The following PCDH15 variants were observed in gnomAD, a reference collection of about 807,000 sequenced individuals.
The protein encoded by PCDH15 is protocadherin-15.
PCDH15 carries 129 observed loss-of-function variants against 178.5 expected under a neutral mutation model. That is an observed-to-expected ratio of 0.72 (90% CI 0.63 to 0.84). The LOEUF (loss-of-function observed/expected upper bound fraction) is 0.84. PCDH15 is among the 40% of genes least tolerant of loss of function. PCDH15 has a pLI of 0.00. For synonymous variants in PCDH15, 800 were observed against 732.0 expected (o/e 1.09, Z -1.50); for missense variants, 2,230 against 2,099.9 (o/e 1.06, Z -1.21).
chr10:55,342,824 A>G (rs1407837328), intron 2 of PCDH15, among the ~76,000 whole-genome samples: 1 of 152,144 alleles, frequency 6.6e-6, no homozygotes, highest in Non-Finnish European at 1.5e-5. Flanking sequence ...AGAGAGACAG[A>G]AAAGGTGGTA....
intron 16 of PCDH15, among the ~76,000 whole-genome samples, chr10:54,081,795 A>T (rs2094440710): frequency 6.6e-6 from 1 of 152,154 alleles, no homozygotes; most frequent in African/African-American, 2.4e-5. Flanking sequence ...ACTGCTACTT[A>T]TACAGGATTG....
At chr10:54,052,005 G>C (rs1006718444) in intron 18 of PCDH15, among the ~76,000 whole-genome samples, 1 of 152,224 alleles carries the variant, frequency 6.6e-6, no homozygotes, top group African/African-American at 2.4e-5. Context: ...TCCTGTGGGT[G>C]CACAGAAGTC....
chr10:54,340,622 A>G (rs1426020067), intron 6 of PCDH15, among the ~76,000 whole-genome samples: 1 of 152,164 alleles, frequency 6.6e-6, no homozygotes, highest in African/African-American at 2.4e-5. Flanking sequence ...GCTTATTAAA[A>G]AGTTTTAGAG....
chr10:54,239,258 T>A lies in PCDH15; in HGVS notation c.877-2327A>T, dbSNP rs76570680. 6.1e-3 allele frequency among the ~76,000 whole-genome samples: 927 copies of A among 152,098 alleles called. 9 individuals are homozygous for A. Among genetic ancestry groups the A allele is most frequent in the African/African-American group, 0.018 (763 of 41,548 alleles). ...GTAATGTAGTATAAAATATTCTTTC[T>A]ATAATATATAGAATTGTTGAAATGA... On this transcript the variant is annotated intron_variant, in intron 8 of 37. Coordinates refer to ENST00000644397, the MANE Select transcript of PCDH15 (RefSeq NM_001384140.1).
At chr10:54,426,902 A>T (rs1240828383) in intron 3 of PCDH15, among the ~76,000 whole-genome samples, 4 of 151,818 alleles carry the variant, frequency 2.6e-5, no homozygotes, top group African/African-American at 4.8e-5. Flanking sequence ...TTTTCCCATG[A>T]GTATAAAAAA....
At chr10:54,774,340 T>C (rs773663152) in intron 1 of PCDH15, among the ~76,000 whole-genome samples, 40 of 152,042 alleles carry the variant, frequency 2.6e-4, no homozygotes, top group Non-Finnish European at 5.1e-4. Flanking sequence ...TTCATAGTCT[T>C]ATAAATAATT....
intron 15 of PCDH15, among the ~76,000 whole-genome samples, chr10:54,091,821 A>G (rs553132130): frequency 6.6e-6 from 1 of 152,146 alleles, no homozygotes; most frequent in African/African-American, 2.4e-5. Flanking sequence ...CTTATTTTAT[A>G]TTGGATTGTT....
At chr10:53,979,058 C>T (rs747020684) in intron 21 of PCDH15, among the ~76,000 whole-genome samples, 1 of 152,190 alleles carries the variant, frequency 6.6e-6, no homozygotes, top group Non-Finnish European at 1.5e-5. Flanking sequence ...ACAGTCACTT[C>T]CACATTTTCA....
intron 1 of PCDH15, among the ~76,000 whole-genome samples, chr10:54,728,367 A>G (rs34647744): frequency 0.12 from 18,436 of 151,390 alleles, 1,250 homozygotes; most frequent in African/African-American, 0.17. Context: ...CACAGAAAAG[A>G]CTTTTGATAA....
chr10:54,826,000 C>A (rs899857005), intron 3 of PCDH15, among the ~76,000 whole-genome samples: 1 of 152,016 alleles, frequency 6.6e-6, no homozygotes, highest in Non-Finnish European at 1.5e-5. Flanking sequence ...TAAAATTTTT[C>A]AGTCAGTATT....
At chr10:54,995,353 A>G (rs1238121954) in intron 2 of PCDH15, among the ~76,000 whole-genome samples, 9 of 149,952 alleles carry the variant, frequency 6.0e-5, no homozygotes, top group South Asian at 2.1e-4. Context: ...TCCAGCCTGG[A>G]CGACAGAGCG....
At chr10:54,971,559 A>C (rs1012576148) in intron 2 of PCDH15, among the ~76,000 whole-genome samples, 1 of 152,188 alleles carries the variant, frequency 6.6e-6, no homozygotes, top group Admixed American at 6.5e-5. Context: ...TGGCAGTACA[A>C]TGTAAAATCT....
chr10:55,333,802 GA>G (rs1371522612), intron 2 of PCDH15, among the ~76,000 whole-genome samples: 2 of 150,942 alleles, frequency 1.3e-5, no homozygotes, highest in African/African-American at 2.4e-5. Flanking sequence ...AAAATTTCAA[GA>G]AAAAAAAGCT....
At chr10:54,391,876 T>C (rs993900444) in intron 3 of PCDH15, among the ~76,000 whole-genome samples, 4 of 152,164 alleles carry the variant, frequency 2.6e-5, no homozygotes, top group Non-Finnish European at 5.9e-5. Context: ...GTCTTCTGAA[T>C]TGGTCTTGTC....
chr10:53,807,758 A>G (rs1841294836), intron 37 of PCDH15, among the ~76,000 whole-genome samples: 1 of 152,188 alleles, frequency 6.6e-6, no homozygotes, highest in African/African-American at 2.4e-5. Flanking sequence ...CTAACTTAAA[A>G]GGAAATATCT....
chr10:55,425,140 G>C (rs1161962098), intron 2 of PCDH15, among the ~76,000 whole-genome samples: 1 of 151,678 alleles, frequency 6.6e-6, no homozygotes, highest in African/African-American at 2.4e-5. Context: ...AAGACAAAGA[G>C]TAATCACTAT....
chr10:54,659,025 G>A (rs1184961235), intron 2 of PCDH15, among the ~76,000 whole-genome samples: 1 of 151,318 alleles, frequency 6.6e-6, no homozygotes, highest in African/African-American at 2.4e-5. Context: ...AATCAAGAAA[G>A]GTAAAAAAAA....
intron 17 of PCDH15, among the ~76,000 whole-genome samples, chr10:54,069,082 T>C (rs1030934164): frequency 6.6e-6 from 1 of 152,192 alleles, no homozygotes; most frequent in East Asian, 1.9e-4. Context: ...AAAATTTGCC[T>C]TAGAATTGAA....
intron 3 of PCDH15, among the ~76,000 whole-genome samples, chr10:54,428,743 A>C (rs1956599466): frequency 6.6e-6 from 1 of 152,238 alleles, no homozygotes. Flanking sequence ...TATATCTGGC[A>C]GCAGATTTTC....
Sources: gnomAD v4.1 joint callset for allele counts (sites outside exome capture counted in the v4.1 genomes callset) on GRCh38, gnomAD v4.1.1 for gene constraint, MANE v1.5 for transcripts, NCBI Gene and HGNC (gene_info 2026-07-23, HGNC 2026-07-21) for gene names.